Variants in MLLT3 observed in about 807,000 individuals in gnomAD.
The protein encoded by MLLT3 is MLLT3 super elongation complex subunit, also known as protein AF-9.
Under a neutral mutation model 53.2 loss-of-function variants are expected in MLLT3, and 4 were observed. That is an observed-to-expected ratio of 0.08 (90% confidence interval 0.04 to 0.17). MLLT3 has a LOEUF of 0.17. MLLT3 is among the 10% of genes least tolerant of loss of function. MLLT3 has a pLI of 1.00. For synonymous variants in MLLT3, 283 were observed against 230.6 expected (o/e 1.23, Z -2.06); for missense variants, 569 against 684.0 (o/e 0.83, Z 1.87).
intron 2 of MLLT3, among the ~76,000 whole-genome samples, chr9:20,567,264 C>A: frequency 8.7e-6 from 1 of 114,512 alleles, no homozygotes; most frequent in South Asian, 3.0e-4. Flanking sequence ...AAACGTGTTT[C>A]TATAACCAAA....
chr9:20,538,688 G>A (rs994628574), intron 2 of MLLT3, among the ~76,000 whole-genome samples: 9 of 152,146 alleles, frequency 5.9e-5, no homozygotes, highest in Non-Finnish European at 1.2e-4. Context: ...AATTAAAGAA[G>A]TAAGGCATTA....
chr9:20,621,809 C>A lies in MLLT3; in HGVS notation c.12+436G>T. ...CCGCGGCGCTTTGCGGAGGTGCGGC[C>A]GCCGAGGCTGCTCGCCGCGTCCCCG... On this transcript the variant is annotated intron_variant, in intron 1 of 10. Coordinates refer to ENST00000380338, the MANE Select transcript of MLLT3 (RefSeq NM_004529.4). The surrounding 1 kb of genome is among the most constrained non-coding windows in gnomAD (Gnocchi z 7.0). The A allele has an allele frequency of 7.0e-7, 1 of 1,437,950 alleles. No individual in the cohort carries two copies. Among genetic ancestry groups the A allele is most frequent in the African/African-American group, 1.5e-5 (1 of 66,512 alleles). 89.1% of individuals were successfully genotyped at this position (1,437,950 alleles called of 1,614,324 possible).
intron 10 of MLLT3, among the ~76,000 whole-genome samples, chr9:20,348,216 G>A (rs1421250627): frequency 1.3e-5 from 2 of 152,106 alleles, no homozygotes; most frequent in Middle Eastern, 3.2e-3. Flanking sequence ...CCCTAATATC[G>A]ATTTATTCCT....
chr9:20,501,611 C>T (rs1015252162), intron 2 of MLLT3, among the ~76,000 whole-genome samples: 7 of 151,850 alleles, frequency 4.6e-5, no homozygotes, highest in African/African-American at 9.7e-5. Flanking sequence ...ATTAGCCGGG[C>T]GCGGTGGCGG....
intron 5 of MLLT3, among the ~76,000 whole-genome samples, chr9:20,396,037 G>C (rs1039756058): frequency 6.6e-6 from 1 of 152,150 alleles, no homozygotes; most frequent in African/African-American, 2.4e-5. Flanking sequence ...TAGACAAGAT[G>C]AAGCATAAAG....
At chr9:20,594,401 T>C (rs893660848) in intron 2 of MLLT3, among the ~76,000 whole-genome samples, 1 of 152,136 alleles carries the variant, frequency 6.6e-6, no homozygotes, top group Non-Finnish European at 1.5e-5. Flanking sequence ...ATCACCTCTA[T>C]TCAGCCTGAA....
chr9:20,372,420 C>T (rs182306191), intron 5 of MLLT3, among the ~76,000 whole-genome samples: 60 of 152,114 alleles, frequency 3.9e-4, no homozygotes, highest in Admixed American at 2.2e-3. Context: ...CTCTTTTAGA[C>T]GGAGTCTCAC....
chr9:20,508,403 A>G (rs964180470), intron 2 of MLLT3, among the ~76,000 whole-genome samples: 1 of 152,234 alleles, frequency 6.6e-6, no homozygotes, highest in Non-Finnish European at 1.5e-5. Context: ...GATGGTAGAA[A>G]GAGATAGGAG....
chr9:20,506,655 T>C (rs1245785507), intron 2 of MLLT3, among the ~76,000 whole-genome samples: 1 of 152,178 alleles, frequency 6.6e-6, no homozygotes, highest in East Asian at 1.9e-4. Context: ...TTGGCACACA[T>C]AAATAGGTTA....
intron 2 of MLLT3, among the ~76,000 whole-genome samples, chr9:20,457,108 G>A (rs1267733034): frequency 1.3e-5 from 2 of 151,990 alleles, no homozygotes; most frequent in Non-Finnish European, 2.9e-5. Flanking sequence ...ACTGATGATT[G>A]CTCCCTATGA....
At chr9:20,554,512 C>A (rs1819005323) in intron 2 of MLLT3, among the ~76,000 whole-genome samples, 1 of 152,082 alleles carries the variant, frequency 6.6e-6, no homozygotes, top group South Asian at 2.1e-4. Flanking sequence ...TTACAACAGT[C>A]CATATAAGAT....
intron 10 of MLLT3, among the ~76,000 whole-genome samples, chr9:20,350,173 C>G (rs1435112557): frequency 6.6e-6 from 1 of 152,198 alleles, no homozygotes; most frequent in Non-Finnish European, 1.5e-5. Flanking sequence ...CTCCACTGTG[C>G]CTTTCTACAG....
intron 5 of MLLT3, among the ~76,000 whole-genome samples, chr9:20,379,093 C>G (rs1037605724): frequency 1.3e-5 from 2 of 151,928 alleles, no homozygotes; most frequent in Non-Finnish European, 2.9e-5. Flanking sequence ...TGCCTTTTAC[C>G]GCCTTTTCTC....
intron 4 of MLLT3, among the ~76,000 whole-genome samples, chr9:20,433,894 C>G (rs1454907805): frequency 6.6e-6 from 1 of 150,846 alleles, no homozygotes; most frequent in Non-Finnish European, 1.5e-5. Flanking sequence ...GTGAGCAGAT[C>G]ATGAGGTCAA....
At chr9:20,368,790 C>A (rs1344241731) in intron 5 of MLLT3, among the ~76,000 whole-genome samples, 2 of 152,046 alleles carry the variant, frequency 1.3e-5, no homozygotes, top group Non-Finnish European at 2.9e-5. Context: ...AGAAGTTTTA[C>A]AACAAAAGAC....
chr9:20,465,204 GA>G (rs931813922), intron 2 of MLLT3, among the ~76,000 whole-genome samples: 7 of 152,028 alleles, frequency 4.6e-5, no homozygotes, highest in African/African-American at 1.7e-4. Context: ...AGTGTTGCAG[GA>G]AAAAAATTAC....
At chr9:20,492,945 T>C (rs1405484611) in intron 2 of MLLT3, among the ~76,000 whole-genome samples, 2 of 151,986 alleles carry the variant, frequency 1.3e-5, no homozygotes, top group African/African-American at 4.8e-5. Context: ...ACCTATCCAA[T>C]TGATTGTCTT....
intron 4 of MLLT3, among the ~76,000 whole-genome samples, chr9:20,423,324 A>G (rs1431339441): frequency 6.6e-6 from 1 of 152,220 alleles, no homozygotes; most frequent in East Asian, 1.9e-4. Context: ...GGAGAGGCTC[A>G]ATGACTGTAA....
intron 5 of MLLT3, among the ~76,000 whole-genome samples, chr9:20,381,394 A>G (rs1258427793): frequency 6.6e-6 from 1 of 151,930 alleles, no homozygotes; most frequent in Non-Finnish European, 1.5e-5. Context: ...CCAAATATAA[A>G]ACTCCATAAC....
Sources: gnomAD v4.1 joint callset for allele counts (sites outside exome capture counted in the v4.1 genomes callset) on GRCh38, gnomAD v4.1.1 for gene constraint, Gnocchi (gnomAD v3.1) non-coding constraint, MANE v1.5 for transcripts, NCBI Gene and HGNC (gene_info 2026-07-23, HGNC 2026-07-21) for gene names.